DCAF8L2: variants seen among roughly 807,000 people sequenced by gnomAD.
DCAF8L2 encodes DDB1- and CUL4-associated factor 8-like protein 2.
For missense variants in DCAF8L2, 430 were observed against 490.7 expected (o/e 0.88, Z 1.17); for synonymous variants, 200 against 190.9 (o/e 1.05, Z -0.39).
chrX:27,547,844 TTTC>T, the DCAF8L2 span, among the ~76,000 whole-genome samples: 12 of 86,058 alleles, frequency 1.4e-4, no homozygotes, highest in African/African-American at 3.7e-4. Context: ...TCTCTCTCTC[TTTC>T]TCTCTCTCTC....
At chrX:27,665,016 C>T (rs185321168) in intron 2 of DCAF8L2, among the ~76,000 whole-genome samples, 1 of 111,068 alleles carries the variant, frequency 9.0e-6, no homozygotes, top group African/African-American at 3.3e-5. Context: ...GCTAACAACA[C>T]CCATTCTGCA....
At chrX:27,688,587 G>A (rs1930594118) in intron 3 of DCAF8L2, among the ~76,000 whole-genome samples, 1 of 110,725 alleles carries the variant, frequency 9.0e-6, no homozygotes, top group Non-Finnish European at 1.9e-5. Flanking sequence ...TAGCTTTTTT[G>A]TTGTATTATT....
In DCAF8L2 at chrX:27,747,773, G is replaced by A; in HGVS notation, c.878G>A (p.Arg293His). Residue 293 changes from arginine (R) to histidine (H), a missense_variant, in exon 5 of 5, where the codon CGT (arginine) becomes CAT (histidine). Transcript: ENST00000451261. The stretch of plus-strand genomic sequence containing the variant: ...GATTCCACTCTGGCCATGTGTGCCC[G>A]TGATGGGCAGGTACGGGTAGCAGAG... ...CGDSTLAMCA[R>H]DGQVRVAELI... 2.5e-6 allele frequency: 3 copies of A among 1,209,800 alleles called. No individual in the cohort carries two copies. The highest frequency in any genetic ancestry group is 3.0e-5 in the East Asian group (1 of 33,816).
At chrX:27,653,406 A>G (rs1009174130) in intron 2 of DCAF8L2, among the ~76,000 whole-genome samples, 3 of 111,375 alleles carry the variant, frequency 2.7e-5, no homozygotes, top group African/African-American at 9.8e-5. Context: ...TTGGTTCCAC[A>G]TTCTTAGTAA....
chrX:27,709,030 C>T (rs1052250326), intron 3 of DCAF8L2, among the ~76,000 whole-genome samples: 1 of 112,466 alleles, frequency 8.9e-6, no homozygotes, highest in African/African-American at 3.2e-5. Context: ...AGCAATTCTC[C>T]TGCCTCAGCC....
At chrX:27,535,849 C>T in the DCAF8L2 span, among the ~76,000 whole-genome samples, 1 of 111,439 alleles carries the variant, frequency 9.0e-6, no homozygotes, top group African/African-American at 3.3e-5. Context: ...AGTAGGAGTC[C>T]ACAAATATAT....
At chrX:27,483,033 C>A in the DCAF8L2 span, among the ~76,000 whole-genome samples, 1 of 111,643 alleles carries the variant, frequency 9.0e-6, no homozygotes, top group African/African-American at 3.2e-5. Context: ...AAATAGCTGT[C>A]ATCTATAAGC....
the DCAF8L2 span, among the ~76,000 whole-genome samples, chrX:27,546,850 C>T: frequency 8.9e-6 from 1 of 112,247 alleles, no homozygotes; most frequent in Non-Finnish European, 1.9e-5. Context: ...TCTTAGGCCT[C>T]TTTACCTGTG....
the DCAF8L2 span, among the ~76,000 whole-genome samples, chrX:27,493,676 A>C: frequency 9.9e-6 from 1 of 101,066 alleles, no homozygotes; most frequent in African/African-American, 3.8e-5. Context: ...GCACCACTGC[A>C]CTCCAGACTG....
chrX:27,614,594 C>T (rs1308830550), intron 1 of DCAF8L2, among the ~76,000 whole-genome samples: 2 of 111,573 alleles, frequency 1.8e-5, no homozygotes, highest in Non-Finnish European at 3.8e-5. Context: ...GCATTTAGTG[C>T]TATAAATTTC....
intron 2 of DCAF8L2, among the ~76,000 whole-genome samples, chrX:27,677,481 A>C (rs763576645): frequency 4.5e-5 from 5 of 111,908 alleles, no homozygotes; most frequent in Non-Finnish European, 9.4e-5. Context: ...CCATGTGGTG[A>C]TGAAGAATGG....
At chrX:27,601,647 C>A (rs760534513) in intron 1 of DCAF8L2, among the ~76,000 whole-genome samples, 2 of 107,783 alleles carry the variant, frequency 1.9e-5, no homozygotes, top group African/African-American at 6.8e-5. Flanking sequence ...TTGTAGTGAG[C>A]AGAGACCGTG....
the DCAF8L2 span, among the ~76,000 whole-genome samples, chrX:27,521,674 T>C: frequency 8.9e-6 from 1 of 112,021 alleles, no homozygotes; most frequent in Non-Finnish European, 1.9e-5. Context: ...CATCTCACAA[T>C]TGTAGGAAAT....
chrX:27,603,898 A>G (rs1208773908), intron 1 of DCAF8L2, among the ~76,000 whole-genome samples: 2 of 111,784 alleles, frequency 1.8e-5, no homozygotes, highest in Non-Finnish European at 3.8e-5. Flanking sequence ...AAATTTTTTC[A>G]CACAGTAGCA....
chrX:27,499,605 A>T, the DCAF8L2 span, among the ~76,000 whole-genome samples: 4 of 111,492 alleles, frequency 3.6e-5, no homozygotes, highest in Admixed American at 3.8e-4. Flanking sequence ...TCCTTAGGAA[A>T]CTTACAATCA....
At chrX:27,658,437 T>A (rs2147208999) in intron 2 of DCAF8L2, among the ~76,000 whole-genome samples, 1 of 112,270 alleles carries the variant, frequency 8.9e-6, no homozygotes, top group African/African-American at 3.2e-5. Flanking sequence ...AATTTCAAAA[T>A]GAATGTCTAT....
the DCAF8L2 span, among the ~76,000 whole-genome samples, chrX:27,538,989 T>C: frequency 2.0e-4 from 22 of 112,171 alleles, no homozygotes; most frequent in Non-Finnish European, 3.9e-4. Flanking sequence ...ATACCAATAC[T>C]GATCAAACTG....
chrX:27,720,418 C>G (rs974155564), intron 4 of DCAF8L2, among the ~76,000 whole-genome samples: 2 of 110,562 alleles, frequency 1.8e-5, no homozygotes, highest in Non-Finnish European at 3.8e-5. Flanking sequence ...CTAGGCCGGA[C>G]TGCGGACTGC....
chrX:27,533,222 GAAAGAA>G, the DCAF8L2 span, among the ~76,000 whole-genome samples: 1 of 46,980 alleles, frequency 2.1e-5, no homozygotes, highest in African/African-American at 5.6e-5. Flanking sequence ...AAGAAAGAAA[GAAAGAA>G]AGAAAGAGAA....
Sources: allele counts gnomAD v4.1 joint callset (sites outside exome capture counted in the v4.1 genomes callset), GRCh38; gene constraint gnomAD v4.1.1; transcripts MANE v1.5; gene names NCBI Gene and HGNC (gene_info 2026-07-23, HGNC 2026-07-21).